Variants in MSRA observed in about 807,000 individuals in gnomAD.
MSRA encodes methionine sulfoxide reductase A, also known as mitochondrial peptide methionine sulfoxide reductase.
Under a neutral mutation model 31.3 loss-of-function variants are expected in MSRA, and 54 were observed. The observed-to-expected ratio is 1.73, with a 90% confidence interval of 1.39 to 2.17. The LOEUF is 2.17. Among genes scored for constraint, MSRA ranks in the 30% most tolerant of loss-of-function variants. MSRA has a pLI of 0.00. For missense variants in MSRA, 507 were observed against 300.9 expected, an observed-to-expected ratio of 1.69 and a Z score of -5.07; for synonymous variants, 169 against 116.5, an observed-to-expected ratio of 1.45 and a Z score of -2.90.
intron 5 of MSRA, among the ~76,000 whole-genome samples, chr8:10,394,928 C>T (rs1383520033): frequency 2.0e-5 from 3 of 152,218 alleles, no homozygotes; most frequent in African/African-American, 7.2e-5. Context: ...GTTCAATCCA[C>T]ATATGAACTG....
intron 5 of MSRA, among the ~76,000 whole-genome samples, chr8:10,421,978 C>T (rs371319136): frequency 2.5e-4 from 38 of 152,296 alleles, no homozygotes; most frequent in African/African-American, 9.1e-4. Flanking sequence ...CAGTACTCTG[C>T]AGTAGTTAAA....
chr8:10,203,585 C>G (rs57515357), intron 1 of MSRA, among the ~76,000 whole-genome samples: 71,305 of 152,056 alleles, frequency 0.47, 16,852 homozygotes, highest in South Asian at 0.61. Context: ...TGTAAACAAA[C>G]CTACTGCACT....
chr8:10,111,283 ATG>A (rs1198902149), intron 1 of MSRA, among the ~76,000 whole-genome samples: 2 of 152,270 alleles, frequency 1.3e-5, no homozygotes, highest in African/African-American at 4.8e-5. Flanking sequence ...CAGAGCACTT[ATG>A]TGGTCTGTGA....
At chr8:10,329,025 C>G (rs191449986) in intron 5 of MSRA, among the ~76,000 whole-genome samples, 2 of 152,186 alleles carry the variant, frequency 1.3e-5, no homozygotes, top group African/African-American at 4.8e-5. Flanking sequence ...CCTGCAAACT[C>G]TCTTGACACC....
intron 1 of MSRA, among the ~76,000 whole-genome samples, chr8:10,147,784 C>G (rs540191679): frequency 5.1e-4 from 78 of 152,324 alleles, no homozygotes; most frequent in African/African-American, 1.8e-3. Context: ...CTGTGGCACC[C>G]CCCACGTCCC....
chr8:10,257,637 A>C (rs187488983), intron 3 of MSRA, among the ~76,000 whole-genome samples: 8 of 152,216 alleles, frequency 5.3e-5, no homozygotes, highest in Admixed American at 5.2e-4. Context: ...CAAACTCCTG[A>C]TCCCAGGTGA....
intron 2 of MSRA, among the ~76,000 whole-genome samples, chr8:10,212,823 G>A (rs991918519): frequency 6.6e-6 from 1 of 152,024 alleles, no homozygotes; most frequent in Non-Finnish European, 1.5e-5. Flanking sequence ...ACTTTGTTTT[G>A]GAACACTGAA....
At chr8:10,359,747 A>C (rs1018222838) in intron 5 of MSRA, among the ~76,000 whole-genome samples, 8 of 152,172 alleles carry the variant, frequency 5.3e-5, no homozygotes, top group African/African-American at 1.9e-4. Context: ...ACGATCTCAG[A>C]TGGAGGATGG....
chr8:10,406,855 G>A (rs954495210), intron 5 of MSRA, among the ~76,000 whole-genome samples: 8 of 152,304 alleles, frequency 5.3e-5, no homozygotes, highest in Admixed American at 6.5e-5. Context: ...CTTGTCAGAC[G>A]TGATCTTCTC....
intron 1 of MSRA, among the ~76,000 whole-genome samples, chr8:10,198,640 G>A (rs1412240599): frequency 6.6e-6 from 1 of 152,136 alleles, no homozygotes; most frequent in Non-Finnish European, 1.5e-5. Context: ...GGTTGTGGTA[G>A]TTGTGGCAGG....
At chr8:10,370,492 C>T (rs560101986) in intron 5 of MSRA, among the ~76,000 whole-genome samples, 1 of 152,200 alleles carries the variant, frequency 6.6e-6, no homozygotes, top group African/African-American at 2.4e-5. Context: ...TCTACTTGTC[C>T]TTTAATGTAA....
intron 4 of MSRA, among the ~76,000 whole-genome samples, chr8:10,318,356 G>T (rs575203531): frequency 1.3e-5 from 2 of 152,158 alleles, no homozygotes; most frequent in Non-Finnish European, 2.9e-5. Context: ...GGGAAGTACA[G>T]TGTCAGGCTC....
At chr8:10,324,409 T>C (rs767765880) in intron 5 of MSRA, among the ~76,000 whole-genome samples, 1 of 152,116 alleles carries the variant, frequency 6.6e-6, no homozygotes, top group Non-Finnish European at 1.5e-5. Context: ...CTATGGCTTA[T>C]CCCAAGAGCG....
At chr8:10,407,145 G>T (rs549251600) in intron 5 of MSRA, among the ~76,000 whole-genome samples, 4 of 152,354 alleles carry the variant, frequency 2.6e-5, no homozygotes, top group African/African-American at 9.6e-5. Flanking sequence ...CTAAAGTGCT[G>T]GGAGTGTAGG....
chr8:10,110,499 G>A (rs1258821821), intron 1 of MSRA, among the ~76,000 whole-genome samples: 1 of 152,194 alleles, frequency 6.6e-6, no homozygotes, highest in Non-Finnish European at 1.5e-5. Flanking sequence ...GTGCAAACAA[G>A]ACCACCGCTT....
At chr8:10,187,965 T>C (rs1255473264) in intron 1 of MSRA, among the ~76,000 whole-genome samples, 2 of 152,220 alleles carry the variant, frequency 1.3e-5, no homozygotes, top group Admixed American at 6.5e-5. Context: ...GGAAAATCTT[T>C]TCAATTTGCT....
intron 5 of MSRA, chr8:10,353,722 A>G (rs1044333672): frequency 6.6e-6 from 3 of 451,622 alleles, no homozygotes; most frequent in African/African-American, 6.0e-5. Context: ...GCCCACTGCC[A>G]CCTGTCTACG....
chr8:10,243,362 T>G (rs1385143439), intron 2 of MSRA, among the ~76,000 whole-genome samples: 1 of 152,152 alleles, frequency 6.6e-6, no homozygotes. Flanking sequence ...CTTGTCCTTT[T>G]CCAGAGAATC....
rs77700990 is a variant in MSRA, at chr8:10,356,389, T to A, written c.543+36400T>A. Among the ~76,000 whole-genome samples, 1,112 of 152,316 alleles carry A rather than the reference T, an allele frequency of 7.3e-3. 17 individuals carry two copies. Among genetic ancestry groups the A allele is most frequent in the East Asian group, 0.037 (193 of 5,182 alleles). On this transcript the variant is annotated intron_variant, in intron 5 of 5. Transcript: ENST00000317173. ...CCTTGTTACTGCATAACTTTGCTAG[T>A]CCCCCTAAGAGCCTCTCCTCCATCT...
Sources: allele counts gnomAD v4.1 joint callset (sites outside exome capture counted in the v4.1 genomes callset), GRCh38; gene constraint gnomAD v4.1.1; transcripts MANE v1.5; gene names NCBI Gene and HGNC (gene_info 2026-07-23, HGNC 2026-07-21).